The following COL19A1 variants were observed in gnomAD, a reference collection of about 807,000 sequenced individuals.
COL19A1 encodes collagen type XIX alpha 1 chain.
Under a neutral mutation model 190.2 loss-of-function variants are expected in COL19A1, and 159 were observed. The observed-to-expected ratio is 0.84, with a 90% CI of 0.73 to 0.95. The LOEUF (loss-of-function observed/expected upper bound fraction) is 0.95. Ranked by LOEUF, COL19A1 falls within the 40% of genes least tolerant of loss-of-function variation. COL19A1 has a pLI of 0.00. For missense variants in COL19A1, 1,418 were observed against 1,431.9 expected (o/e 0.99, Z 0.16); for synonymous variants, 509 against 458.9 (o/e 1.11, Z -1.39).
At chr6:70,044,616 T>C (rs1047396356) in intron 14 of COL19A1, among the ~76,000 whole-genome samples, 1 of 152,188 alleles carries the variant, frequency 6.6e-6, no homozygotes, top group Non-Finnish European at 1.5e-5. Flanking sequence ...GAAATAGGGT[T>C]GCCCAAGTAG....
intron 10 of COL19A1, 64 bp downstream of exon 10, chr6:69,960,104 C>T (rs1391411225): frequency 6.9e-7 from 1 of 1,448,270 alleles, no homozygotes; most frequent in Non-Finnish European, 9.6e-7. Flanking sequence ...TAAATTTGCA[C>T]ATAATATTCT....
chr6:69,870,140 C>T (rs1372144103), intron 1 of COL19A1, among the ~76,000 whole-genome samples: 2 of 152,122 alleles, frequency 1.3e-5, no homozygotes, highest in African/African-American at 4.8e-5. Context: ...TAATGGTTCC[C>T]AACCTTTGAT....
At position 70,161,881 on chromosome 6, in the gene COL19A1, T is replaced by C. The variant is rs370326507; in HGVS notation, c.2293-19T>C. The C allele has an allele frequency of 5.5e-5, 87 of 1,595,222 alleles. No individual in the cohort carries two copies. Among genetic ancestry groups the C allele is most frequent in the Non-Finnish European group, 7.4e-5 (87 of 1,172,188 alleles). On this transcript the variant is annotated intron_variant, in intron 34 of 50. Coordinates refer to ENST00000620364, the MANE Select transcript of COL19A1 (RefSeq NM_001858.6). ...CCCAATGATATAACAGATTTTATGA[T>C]GGGAACTATCTTTTCCAGGGTCTTC...
intron 49 of COL19A1, among the ~76,000 whole-genome samples, chr6:70,201,713 A>T (rs1767565997): frequency 6.6e-6 from 1 of 152,248 alleles, no homozygotes; most frequent in African/African-American, 2.4e-5. Context: ...AAAAATAAAT[A>T]AAAATTGCAA....
chr6:70,098,469 G>A (rs1013901915), intron 15 of COL19A1: 11 of 505,888 alleles, frequency 2.2e-5, no homozygotes, highest in African/African-American at 1.2e-4. Flanking sequence ...CTGAATCTGC[G>A]GTATACAATA....
At chr6:69,942,740 A>ATGTGTGTGTGTGTGTGTGTG (rs35406948) in intron 9 of COL19A1, among the ~76,000 whole-genome samples, 1 of 146,586 alleles carries the variant, frequency 6.8e-6, no homozygotes, top group African/African-American at 2.5e-5. Context: ...CATTGTGTGT[A>ATGTGTGTGTGTGTGTGTGTG]TGTGTGTGTG....
intron 14 of COL19A1, among the ~76,000 whole-genome samples, chr6:70,045,664 G>T (rs909809880): frequency 1.6e-4 from 24 of 152,214 alleles, no homozygotes; most frequent in African/African-American, 5.8e-4. Context: ...TTGGTTAGGA[G>T]TCAGCCAGAG....
intron 9 of COL19A1, among the ~76,000 whole-genome samples, chr6:69,959,567 T>A (rs2150043535): frequency 6.6e-6 from 1 of 152,294 alleles, no homozygotes; most frequent in East Asian, 1.9e-4. Flanking sequence ...AGAAGTTCAT[T>A]GAGGCAGTAT....
intron 2 of COL19A1, among the ~76,000 whole-genome samples, chr6:69,892,379 A>C (rs914316157): frequency 5.3e-5 from 8 of 152,216 alleles, no homozygotes; most frequent in Non-Finnish European, 8.8e-5. Flanking sequence ...TTTAGAATTT[A>C]ATGACAAATA....
chr6:70,088,383 C>A (rs1351578497), intron 15 of COL19A1, among the ~76,000 whole-genome samples: 1 of 152,056 alleles, frequency 6.6e-6, no homozygotes, highest in East Asian at 1.9e-4. Flanking sequence ...AGGTATCTGG[C>A]TTCTCATACA....
chr6:70,156,405 ACC>A, intron 33 of COL19A1, 36 bp downstream of exon 33: 1 of 1,597,454 alleles, frequency 6.3e-7, no homozygotes, highest in Non-Finnish European at 8.5e-7. Context: ...CCCTGTGGGA[ACC>A]TCAATTTAGT....
At chr6:70,019,100 A>G (rs1778276674) in intron 11 of COL19A1, among the ~76,000 whole-genome samples, 1 of 152,152 alleles carries the variant, frequency 6.6e-6, no homozygotes, top group African/African-American at 2.4e-5. Flanking sequence ...ATGGTAGAAG[A>G]TGAAATTGAA....
chr6:69,881,657 CAAT>C (rs752010997), intron 2 of COL19A1, among the ~76,000 whole-genome samples: 2 of 152,292 alleles, frequency 1.3e-5, no homozygotes, highest in Non-Finnish European at 2.9e-5. Flanking sequence ...ATTTTCCCAA[CAAT>C]GTGAATTCAA....
At chr6:69,900,164 G>A (rs2149973062) in intron 3 of COL19A1, 75 bp from the exon 4 acceptor site, 1 of 919,100 alleles carries the variant, frequency 1.1e-6, no homozygotes, top group South Asian at 2.3e-5. Flanking sequence ...AATAGATAAG[G>A]GCAACACAAA....
chr6:69,959,882 C>T, intron 9 of COL19A1, 114 bp from the exon 10 acceptor site: 1 of 775,370 alleles, frequency 1.3e-6, no homozygotes, highest in African/African-American at 1.8e-5. Context: ...GATAGATATT[C>T]AGTATTAGGC....
intron 48 of COL19A1, among the ~76,000 whole-genome samples, chr6:70,197,347 C>T (rs1000915689): frequency 2.6e-5 from 4 of 151,756 alleles, no homozygotes; most frequent in Non-Finnish European, 5.9e-5. Context: ...GGCGTGAACC[C>T]GGGAGACGGA....
chr6:70,167,264 G>T (rs1036924843), intron 37 of COL19A1, among the ~76,000 whole-genome samples: 8 of 152,118 alleles, frequency 5.3e-5, no homozygotes, highest in Non-Finnish European at 1.2e-4. Flanking sequence ...CTCTGCAACT[G>T]ATATGTGAAA....
chr6:70,074,669 G>A (rs1781770100), intron 15 of COL19A1, among the ~76,000 whole-genome samples: 1 of 152,028 alleles, frequency 6.6e-6, no homozygotes, highest in Non-Finnish European at 1.5e-5. Flanking sequence ...TCCTTACACA[G>A]GCTTGAATTT....
At chr6:70,167,943 T>C in intron 37 of COL19A1, 82 bp from the exon 38 acceptor site, 1 of 1,016,104 alleles carries the variant, frequency 9.8e-7, no homozygotes. Context: ...ATAGGAATAG[T>C]ATCATTTGGT....
Sources: gnomAD v4.1 joint callset for allele counts (sites outside exome capture counted in the v4.1 genomes callset) on GRCh38, gnomAD v4.1.1 for gene constraint, MANE v1.5 for transcripts, NCBI Gene and HGNC (gene_info 2026-07-23, HGNC 2026-07-21) for gene names.